LRP6: variants seen among roughly 807,000 people sequenced by gnomAD.
The protein encoded by LRP6 is LDL receptor related protein 6, also known as low-density lipoprotein receptor-related protein 6.
LRP6 carries 43 observed loss-of-function variants against 184.1 expected under a neutral mutation model. The observed-to-expected ratio is 0.23, with a 90% CI of 0.18 to 0.30. The LOEUF (loss-of-function observed/expected upper bound fraction) is 0.30. Among genes scored for constraint, LRP6 ranks in the 10% least tolerant of loss-of-function variants. LRP6 has a pLI of 1.00. For missense variants in LRP6, 1,571 were observed against 2,005.3 expected (o/e 0.78, Z 4.14); for synonymous variants, 719 against 684.9 (o/e 1.05, Z -0.78).
intron 3 of LRP6, among the ~76,000 whole-genome samples, chr12:12,189,824 TTTC>T (rs1405438815): frequency 6.6e-6 from 1 of 152,122 alleles, no homozygotes; most frequent in Non-Finnish European, 1.5e-5. Flanking sequence ...TAAATGTCAC[TTTC>T]TTTTCATAGC....
chr12:12,236,746 A>C (rs1319803405), intron 2 of LRP6, among the ~76,000 whole-genome samples: 2 of 152,158 alleles, frequency 1.3e-5, no homozygotes, highest in East Asian at 1.9e-4. Flanking sequence ...TATATTTATC[A>C]GTTTATTATA....
chr12:12,216,875 T>G (rs1864363343), intron 2 of LRP6, among the ~76,000 whole-genome samples: 1 of 150,260 alleles, frequency 6.7e-6, no homozygotes, highest in African/African-American at 2.5e-5. Flanking sequence ...TGGGATTATG[T>G]AATTTCCTTA....
chr12:12,246,749 A>G (rs1265085587), intron 1 of LRP6, among the ~76,000 whole-genome samples: 1 of 152,174 alleles, frequency 6.6e-6, no homozygotes, highest in African/African-American at 2.4e-5. Flanking sequence ...AGGGTCTACA[A>G]CTGTGTCATC....
intron 10 of LRP6, among the ~76,000 whole-genome samples, chr12:12,161,320 T>C (rs575238868): frequency 9.2e-5 from 14 of 152,156 alleles, no homozygotes; most frequent in Middle Eastern, 3.4e-3. Flanking sequence ...CAGGGTGGAG[T>C]GCAGTGGCAC....
chr12:12,217,983 A>G (rs942952990), intron 2 of LRP6, among the ~76,000 whole-genome samples: 2 of 152,234 alleles, frequency 1.3e-5, no homozygotes, highest in African/African-American at 2.4e-5. Flanking sequence ...TTTCACAGAT[A>G]TAACACTAAA....
chr12:12,239,827 G>GAA (rs1426287758), intron 2 of LRP6, among the ~76,000 whole-genome samples: 1 of 151,876 alleles, frequency 6.6e-6, no homozygotes, highest in African/African-American at 2.4e-5. Flanking sequence ...GTTATGTAAA[G>GAA]GCATTCAGTT....
intron 2 of LRP6, among the ~76,000 whole-genome samples, chr12:12,207,207 T>C (rs1202393727): frequency 6.6e-6 from 1 of 152,128 alleles, no homozygotes; most frequent in African/African-American, 2.4e-5. Flanking sequence ...GAAAAATCTG[T>C]ACCCAGGAAT....
chr12:12,133,884 TG>T (rs1231873289), intron 17 of LRP6, among the ~76,000 whole-genome samples: 2 of 139,286 alleles, frequency 1.4e-5, no homozygotes, highest in Non-Finnish European at 3.0e-5. Context: ...ACCATAAAAT[TG>T]ACCAATTTAA....
chr12:12,209,678 A>G (rs1250390971), intron 2 of LRP6, among the ~76,000 whole-genome samples: 3 of 152,258 alleles, frequency 2.0e-5, no homozygotes, highest in African/African-American at 7.2e-5. Flanking sequence ...AAATTTTTAA[A>G]AAGTATTTTT....
intron 1 of LRP6, among the ~76,000 whole-genome samples, chr12:12,261,076 G>A (rs1158739308): frequency 5.3e-5 from 8 of 152,112 alleles, no homozygotes; most frequent in African/African-American, 1.7e-4. Context: ...CAGTAGTTCA[G>A]TACAGCAAAT....
intron 1 of LRP6, among the ~76,000 whole-genome samples, chr12:12,253,981 CA>C (rs1565720812): frequency 6.6e-6 from 1 of 151,120 alleles, no homozygotes; most frequent in East Asian, 1.9e-4. Context: ...CCTTCTCTAC[CA>C]AAAAATACAA....
At chr12:12,222,113 G>T (rs1864504480) in intron 2 of LRP6, among the ~76,000 whole-genome samples, 1 of 152,114 alleles carries the variant, frequency 6.6e-6, no homozygotes, top group South Asian at 2.1e-4. Flanking sequence ...GATTTGAAAA[G>T]TTCACAAGTA....
intron 7 of LRP6, among the ~76,000 whole-genome samples, chr12:12,179,415 T>C (rs1328415967): frequency 1.3e-5 from 2 of 151,856 alleles, no homozygotes; most frequent in African/African-American, 4.8e-5. Flanking sequence ...GATATAGATA[T>C]AGATATACAC....
rs201529593 is a variant in LRP6 at position 12,181,099 on chromosome 12, G to C, written c.1317C>G (p.Ile439Met). The C allele has an allele frequency of 6.5e-5, 105 of 1,613,942 alleles. No individual in the cohort carries two copies. The highest frequency in any genetic ancestry group is 1.9e-5 in the Non-Finnish European group (23 of 1,179,974). Reference sequence around the variant, plus strand: ...GTTCCTCTAAGTCCTCTGAAATCAAGATCTTCCTCATGGTCCCATTGAGCC... The same window carrying C: ...GTTCCTCTAAGTCCTCTGAAATCAACATCTTCCTCATGGTCCCATTGAGCC... Reference protein sequence around the residue: ...VTRLNGTMRKILISEDLEEPR... With the variant: ...VTRLNGTMRKMLISEDLEEPR... Residue 439 changes from isoleucine (I) to methionine (M), a missense_variant, in exon 6 of 23, where the codon ATC becomes ATG. By Grantham distance (10) the Ile-to-Met change is conservative. Coordinates refer to ENST00000261349, the MANE Select transcript of LRP6 (RefSeq NM_002336.3).
At chr12:12,232,755 G>C (rs1467346216) in intron 2 of LRP6, among the ~76,000 whole-genome samples, 2 of 152,032 alleles carry the variant, frequency 1.3e-5, no homozygotes, top group Non-Finnish European at 2.9e-5. Context: ...GAAAATACAA[G>C]AAGCAATCCT....
intron 2 of LRP6, among the ~76,000 whole-genome samples, chr12:12,217,683 C>A (rs114709155): frequency 1.7e-3 from 255 of 152,210 alleles, no homozygotes; most frequent in African/African-American, 6.0e-3. Context: ...AGCATAAGGA[C>A]AGACATCTAG....
chr12:12,210,609 A>G (rs961919846), intron 2 of LRP6, among the ~76,000 whole-genome samples: 10 of 152,240 alleles, frequency 6.6e-5, no homozygotes, highest in Admixed American at 2.6e-4. Context: ...AAGTCAATCC[A>G]GAAGTGTTGA....
intron 7 of LRP6, among the ~76,000 whole-genome samples, chr12:12,179,361 A>AAGATAT (rs71061019): frequency 0.021 from 1,762 of 83,820 alleles, 36 homozygotes; most frequent in African/African-American, 0.051. Flanking sequence ...ACAGCAATAA[A>AAGATAT]AGATATAGAT....
chr12:12,164,705 T>C (rs1862825959), intron 8 of LRP6, 143 bp from the exon 9 acceptor site: 2 of 756,802 alleles, frequency 2.6e-6, no homozygotes, highest in Admixed American at 2.6e-5. Context: ...TCAATTCTAA[T>C]ATCACAAACA....
Sources: gnomAD v4.1 joint callset for allele counts (sites outside exome capture counted in the v4.1 genomes callset) on GRCh38, gnomAD v4.1.1 for gene constraint, MANE v1.5 for transcripts, NCBI Gene and HGNC (gene_info 2026-07-23, HGNC 2026-07-21) for gene names.